The following COPB2 variants were observed in gnomAD, a reference collection of about 807,000 sequenced individuals.
COPB2 encodes coatomer subunit beta'.
Under a neutral mutation model 120.8 loss-of-function variants are expected in COPB2, and 16 were observed. The ratio of observed to expected loss-of-function variants is 0.13; its 90% CI spans 0.09 to 0.20. The LOEUF (loss-of-function observed/expected upper bound fraction) is 0.20. COPB2 is among the 10% of genes least tolerant of loss of function. COPB2 has a pLI of 1.00. For synonymous variants in COPB2, 332 were observed against 366.3 expected (o/e 0.91, Z 1.07); for missense variants, 794 against 1,076.5 (o/e 0.74, Z 3.67).
chr3:139,357,672 A>C lies in COPB2; in HGVS notation c.*191T>G, dbSNP rs1449141874. ...ATGTCTGTTTTAGTTAACAAGGAAA[A>C]CACAGTGATTTAAATGCTGCACATA... On this transcript the variant is annotated 3_prime_UTR_variant, in exon 22 of 22. Transcript: ENST00000333188. 2 of 420,872 alleles carry C rather than the reference A, an allele frequency of 4.8e-6. No individual in the cohort carries two copies. Among genetic ancestry groups the C allele is most frequent in the African/African-American group, 4.1e-5 (2 of 48,606 alleles). 26.1% of individuals were successfully genotyped at this position (420,872 alleles called of 1,614,324 possible).
chr3:139,372,325 G>C (rs1941636968), intron 9 of COPB2, among the ~76,000 whole-genome samples: 1 of 152,164 alleles, frequency 6.6e-6, no homozygotes, highest in African/African-American at 2.4e-5. Flanking sequence ...GCAAAATACA[G>C]AGGATATTTT....
chr3:139,377,527 A>C (rs1342708234), intron 5 of COPB2, among the ~76,000 whole-genome samples: 1 of 152,242 alleles, frequency 6.6e-6, no homozygotes, highest in Non-Finnish European at 1.5e-5. Flanking sequence ...GAGATGTCGC[A>C]TAATATTAGC....
intron 10 of COPB2, among the ~76,000 whole-genome samples, chr3:139,370,817 C>T (rs187300543): frequency 2.6e-5 from 4 of 152,292 alleles, no homozygotes. Flanking sequence ...GGCAATTCAT[C>T]AACTATAATT....
chr3:139,359,131 G>C lies in COPB2; in HGVS notation c.2351C>G (p.Ala784Gly), dbSNP rs1941359024. ...TGTTGGGTCAGCAAGGGATTCTGCT[G>C]CTTTCTGATTGACTTTTGAGAGATT... is the stretch of plus-strand genomic sequence containing the variant. The part of the protein sequence containing the change: ...RENLSKVNQK[A>G]AESLADPTEY... Residue 784 changes from alanine to glycine, a missense_variant, in exon 19 of 22, where the codon GCA (alanine) becomes GGA (glycine). Ala to Gly is a moderately conservative substitution (Grantham distance 60). Coordinates refer to ENST00000333188, the MANE Select transcript of COPB2 (RefSeq NM_004766.3). The C allele has an allele frequency of 6.2e-7, 1 of 1,614,034 alleles. No homozygotes were observed. The highest frequency in any genetic ancestry group is 8.5e-7 in the Non-Finnish European group (1 of 1,180,014).
At position 139,357,645 on chromosome 3, in the gene COPB2, C is replaced by A; in HGVS notation, c.*218G>T. 2.6e-6 allele frequency: 1 copy of A among 386,858 alleles called. No homozygotes were observed. Among genetic ancestry groups the A allele is most frequent in the Non-Finnish European group, 4.6e-6 (1 of 218,578 alleles). The allele number at this position is 386,858 out of a possible 1,614,324, so 24.0% of individuals were successfully genotyped here. ...CTAATAGTATGAAAAAAATCAAAGC[C>A]CATGTCTGTTTTAGTTAACAAGGAA... On this transcript the variant is annotated 3_prime_UTR_variant, in exon 22 of 22. Coordinates refer to ENST00000333188, the MANE Select transcript of COPB2 (RefSeq NM_004766.3).
At chr3:139,370,617 A>G (rs1941607209) in intron 10 of COPB2, among the ~76,000 whole-genome samples, 1 of 152,222 alleles carries the variant, frequency 6.6e-6, no homozygotes, top group African/African-American at 2.4e-5. Context: ...CATCATCAGC[A>G]ACAACTGCTT....
At chr3:139,381,925 C>T (rs1941823590) in intron 2 of COPB2, 1 of 146,768 alleles carries the variant, frequency 6.8e-6, no homozygotes, top group African/African-American at 2.5e-5. Flanking sequence ...AAGTTATTTG[C>T]ATCAAAGCAA....
chr3:139,389,056 G>A (rs367676689), intron 1 of COPB2, among the ~76,000 whole-genome samples: 2 of 152,108 alleles, frequency 1.3e-5, no homozygotes, highest in African/African-American at 4.8e-5. Flanking sequence ...TAACAGCTGA[G>A]ATATCAAAGC....
At chr3:139,379,502 T>C (rs2107807919) in intron 2 of COPB2, 36 bp from the exon 3 acceptor site, 2 of 1,559,126 alleles carry the variant, frequency 1.3e-6, no homozygotes, top group Non-Finnish European at 1.8e-6. Context: ...AATTGAGCTA[T>C]AAGAAAATAA....
At chr3:139,370,211 G>C (rs1023051262) in intron 10 of COPB2, among the ~76,000 whole-genome samples, 1 of 152,144 alleles carries the variant, frequency 6.6e-6, no homozygotes, top group Non-Finnish European at 1.5e-5. Context: ...ATCCATGGGG[G>C]ATACGTTCTA....
chr3:139,365,924 T>C (rs1941507033), intron 15 of COPB2, among the ~76,000 whole-genome samples: 1 of 152,084 alleles, frequency 6.6e-6, no homozygotes, highest in African/African-American at 2.4e-5. Context: ...AGATAAAGGA[T>C]AGGAAAGTGG....
chr3:139,385,375 C>A (rs976594503), intron 1 of COPB2: 6 of 152,282 alleles, frequency 3.9e-5, no homozygotes, highest in Non-Finnish European at 5.9e-5. Flanking sequence ...ATTTTGTGCC[C>A]AGGTCAATAG....
chr3:139,361,023 C>T (rs1941409722), intron 17 of COPB2, 58 bp downstream of exon 17: 2 of 1,567,498 alleles, frequency 1.3e-6, no homozygotes, highest in African/African-American at 1.3e-5. Flanking sequence ...TTCTTCACTT[C>T]CCTCTCCAAA....
chr3:139,378,062 G>C lies in COPB2; in HGVS notation c.483C>G (p.Ala161=). 1 of 1,569,438 alleles carries C rather than the reference G, an allele frequency of 6.4e-7. No individual in the cohort carries two copies. The highest frequency in any genetic ancestry group is 8.7e-7 in the Non-Finnish European group (1 of 1,148,124). The change falls in exon 5 of 22, where the codon GCC becomes GCG. Residue 161 remains alanine (A), a synonymous_variant. Coordinates refer to ENST00000333188, the MANE Select transcript of COPB2 (RefSeq NM_004766.3). ...NPKDNNQFAS[A]SLDRTIKVWQ... is the part of the protein sequence containing the mutation. The stretch of plus-strand genomic sequence containing the variant: ...CTACCTTGATAGTCCTGTCCAAAGA[G>C]GCACTGGCAAACTGATTGTTATCTT...
At chr3:139,368,405 C>T (rs944846258) in intron 12 of COPB2, 117 bp from the exon 13 acceptor site, 6 of 1,078,308 alleles carry the variant, frequency 5.6e-6, no homozygotes, top group Non-Finnish European at 6.5e-6. Flanking sequence ...TAAGTATTCA[C>T]TTAACAATTT....
chr3:139,363,003 G>A (rs1035664874), intron 15 of COPB2, among the ~76,000 whole-genome samples: 1 of 152,146 alleles, frequency 6.6e-6, no homozygotes, highest in African/African-American at 2.4e-5. Flanking sequence ...GCAGTAAATG[G>A]CCAAAGAAAC....
At chr3:139,360,842 A>G (rs1361816007) in intron 17 of COPB2, among the ~76,000 whole-genome samples, 1 of 152,190 alleles carries the variant, frequency 6.6e-6, no homozygotes, top group Non-Finnish European at 1.5e-5. Flanking sequence ...GGTGTTTAAC[A>G]TTTCTCCCAC....
At chr3:139,372,860 G>T (rs1560017523) in intron 9 of COPB2, among the ~76,000 whole-genome samples, 1 of 152,214 alleles carries the variant, frequency 6.6e-6, no homozygotes, top group Non-Finnish European at 1.5e-5. Context: ...CAATGAGTCA[G>T]CAAGCATTTA....
intron 2 of COPB2, 159 bp downstream of exon 2, chr3:139,383,139 C>A: frequency 1.2e-6 from 1 of 804,464 alleles, no homozygotes; most frequent in Non-Finnish European, 2.1e-6. Flanking sequence ...ACTATCCCCT[C>A]ATAAATGTTA....
Sources: allele counts gnomAD v4.1 joint callset (sites outside exome capture counted in the v4.1 genomes callset), GRCh38; gene constraint gnomAD v4.1.1; transcripts MANE v1.5; gene names NCBI Gene and HGNC (gene_info 2026-07-23, HGNC 2026-07-21).